SKIL: variants seen among roughly 807,000 people sequenced by gnomAD.
The protein encoded by SKIL is SKI like proto-oncogene.
SKIL carries 20 observed loss-of-function variants against 69.6 expected under a neutral mutation model. That is an observed-to-expected ratio of 0.29 (90% confidence interval 0.20 to 0.42). SKIL has a LOEUF of 0.42. Ranked by LOEUF, SKIL falls within the 10% of genes least tolerant of loss-of-function variation. The pLI, the probability that SKIL is intolerant of heterozygous loss-of-function variation, is 1.00. For synonymous variants in SKIL, 310 were observed against 279.9 expected (o/e 1.11, Z -1.08); for missense variants, 745 against 783.1 (o/e 0.95, Z 0.58).
At position 170,361,135 on chromosome 3, in the gene SKIL, C is replaced by T; in HGVS notation, c.804C>T (p.Cys268=). The T allele has an allele frequency of 6.2e-6, 10 of 1,614,194 alleles. No homozygotes were observed. Among genetic ancestry groups the T allele is most frequent in the Non-Finnish European group, 8.5e-6 (10 of 1,180,036 alleles). ...TGSAFEVEHE[C]LGKCQGLFAP... is the part of the protein sequence containing the mutation. ...GTGCCTTTGAAGTGGAGCATGAATG[C>T]CTAGGCAAATGTCAGGGTTTATTTG... Residue 268 remains cysteine (C), a synonymous_variant, in exon 2 of 7, where the codon TGC becomes TGT. Transcript: ENST00000259119.
intron 4 of SKIL, among the ~76,000 whole-genome samples, chr3:170,387,800 G>A: frequency 7.1e-6 from 1 of 141,122 alleles, no homozygotes; most frequent in Non-Finnish European, 1.6e-5. Context: ...CGGGCGTAGT[G>A]GCGGGCGCCT....
chr3:170,365,651 G>C (rs1251243233), intron 2 of SKIL, among the ~76,000 whole-genome samples: 1 of 151,876 alleles, frequency 6.6e-6, no homozygotes, highest in African/African-American at 2.4e-5. Flanking sequence ...GATAGTCCTT[G>C]ACTGAGGAAC....
At chr3:170,381,943 C>T (rs1267097230) in intron 3 of SKIL, among the ~76,000 whole-genome samples, 1 of 151,564 alleles carries the variant, frequency 6.6e-6, no homozygotes, top group Non-Finnish European at 1.5e-5. Flanking sequence ...TTAGCCGGGC[C>T]TGGTGGCGGG....
intron 6 of SKIL, 95 bp from the exon 7 acceptor site, chr3:170,392,164 T>C: frequency 1.9e-6 from 2 of 1,047,976 alleles, no homozygotes; most frequent in Non-Finnish European, 2.7e-6. Context: ...GTTCGTTTTG[T>C]AAAAAGTAAT....
chr3:170,371,144 A>G (rs1361558737), intron 2 of SKIL, among the ~76,000 whole-genome samples: 1 of 152,214 alleles, frequency 6.6e-6, no homozygotes, highest in Non-Finnish European at 1.5e-5. Flanking sequence ...GAATTTATTC[A>G]TTTGCGTATG....
chr3:170,375,545 A>G (rs1169188811), intron 2 of SKIL, among the ~76,000 whole-genome samples: 1 of 152,210 alleles, frequency 6.6e-6, no homozygotes, highest in Non-Finnish European at 1.5e-5. Flanking sequence ...ACTTTGAAAT[A>G]TATAAATCAA....
intron 2 of SKIL, among the ~76,000 whole-genome samples, chr3:170,365,152 G>A (rs1242041787): frequency 6.6e-6 from 1 of 152,060 alleles, no homozygotes; most frequent in Admixed American, 6.6e-5. Context: ...GGGTCTGTGA[G>A]GAAGGTGAAT....
chr3:170,358,862 T>C (rs1393481908), intron 1 of SKIL, among the ~76,000 whole-genome samples: 1 of 152,234 alleles, frequency 6.6e-6, no homozygotes, highest in African/African-American at 2.4e-5. Flanking sequence ...TTGGCTTCCA[T>C]TAAGTAAAAT....
At chr3:170,378,248 CA>C (rs1461847429) in intron 2 of SKIL, among the ~76,000 whole-genome samples, 27 of 152,270 alleles carry the variant, frequency 1.8e-4, no homozygotes, top group Non-Finnish European at 8.8e-5. Context: ...TTTTAAGATA[CA>C]TATTCTAAGA....
At chr3:170,381,568 G>A (rs1277349119) in intron 3 of SKIL, among the ~76,000 whole-genome samples, 1 of 151,904 alleles carries the variant, frequency 6.6e-6, no homozygotes, top group Non-Finnish European at 1.5e-5. Flanking sequence ...GAGTAGCGGG[G>A]ACTACAGGCT....
chr3:170,386,377 G>A (rs540232075), intron 4 of SKIL, among the ~76,000 whole-genome samples: 7 of 152,182 alleles, frequency 4.6e-5, no homozygotes, highest in East Asian at 1.9e-4. Context: ...TGATCCGCCT[G>A]CCTCGGCCTC....
chr3:170,378,320 C>G (rs1245297459), intron 2 of SKIL, among the ~76,000 whole-genome samples: 1 of 152,186 alleles, frequency 6.6e-6, no homozygotes. Context: ...TGTCAGATCT[C>G]TCCCAGGTTT....
intron 2 of SKIL, among the ~76,000 whole-genome samples, chr3:170,363,765 G>A (rs1237512899): frequency 6.6e-6 from 1 of 152,196 alleles, no homozygotes; most frequent in Non-Finnish European, 1.5e-5. Flanking sequence ...GATTACAGGT[G>A]TGAGCCACTG....
Position 170,390,244 on chromosome 3 carries a change from C to G in SKIL, c.1451C>G (p.Ser484Cys), listed in dbSNP as rs1221527549. ...SRLDASISNN[S>C]TSKRKSESAT... is the part of the protein sequence containing the mutation. The stretch of plus-strand genomic sequence containing the variant: ...CAAGATGCATCAATCTCAAATAATT[C>G]TACAAGTAAAAGGAAATCTGAGTCT... Residue 484 changes from serine to cysteine, a missense_variant, in exon 5 of 7, where the codon TCT becomes TGT. Coordinates refer to ENST00000259119, the MANE Select transcript of SKIL (RefSeq NM_005414.5). The G allele has an allele frequency of 1.2e-6, 2 of 1,611,212 alleles. No individual in the cohort carries two copies. The highest frequency in any genetic ancestry group is 2.2e-5 in the South Asian group (2 of 90,960).
chr3:170,391,469 G>A (rs944879244), intron 6 of SKIL, among the ~76,000 whole-genome samples: 2 of 151,826 alleles, frequency 1.3e-5, no homozygotes, highest in African/African-American at 4.8e-5. Flanking sequence ...ACAGGCGTGC[G>A]ACACTATGCC....
rs183360711 is a variant in SKIL at position 170,395,486 on chromosome 3, A to C, written c.*3069A>C. On this transcript the variant is annotated 3_prime_UTR_variant, in exon 7 of 7. Transcript: ENST00000259119. ...GCAGCTATTAAAGTAGGTGAAATAAAGTATATATTTGCCGGTTATCCATAT... is the reference window on the plus strand; with the variant it reads ...GCAGCTATTAAAGTAGGTGAAATAACGTATATATTTGCCGGTTATCCATAT... The C allele has an allele frequency of 1.7e-3, 253 of 152,266 alleles. No homozygotes were observed. The highest frequency in any genetic ancestry group is 5.9e-3 in the African/African-American group (244 of 41,584). 9.4% of individuals were successfully genotyped at this position (152,266 alleles called of 1,614,324 possible). A position where few individuals can be genotyped will look rare whatever the true frequency, so the allele number is the denominator to read the frequency against.
In SKIL at chr3:170,360,118, AC is replaced by A. The variant is rs1308132147; in HGVS notation, c.-213del. 6.6e-6 allele frequency: 3 copies of A among 452,502 alleles called. No homozygotes were observed. The highest frequency in any genetic ancestry group is 6.1e-5 in the African/African-American group (3 of 49,360). 28.0% of individuals were successfully genotyped at this position (452,502 alleles called of 1,614,324 possible). ...TTCTTTATTATTAGAGGCAAAACGA[AC>A]AATTTTATAGGATTTGTAGTGAAAT... On this transcript the variant is annotated 5_prime_UTR_variant, in exon 2 of 7. Coordinates refer to ENST00000259119, the MANE Select transcript of SKIL (RefSeq NM_005414.5).
At chr3:170,379,770 A>G (rs1737232652) in intron 2 of SKIL, among the ~76,000 whole-genome samples, 1 of 152,010 alleles carries the variant, frequency 6.6e-6, no homozygotes, top group Non-Finnish European at 1.5e-5. Context: ...CAGCCTCCCG[A>G]GTAGCTGGGA....
intron 2 of SKIL, among the ~76,000 whole-genome samples, chr3:170,367,967 ACTT>A (rs1441585642): frequency 2.0e-5 from 3 of 152,096 alleles, no homozygotes; most frequent in Non-Finnish European, 4.4e-5. Flanking sequence ...TTTTCGTTTC[ACTT>A]CTTCATTTCT....
Sources: allele counts gnomAD v4.1 joint callset (sites outside exome capture counted in the v4.1 genomes callset), GRCh38; gene constraint gnomAD v4.1.1; transcripts MANE v1.5; gene names NCBI Gene and HGNC (gene_info 2026-07-23, HGNC 2026-07-21).